KCNK2: variants seen among roughly 807,000 people sequenced by gnomAD.
KCNK2 encodes the protein potassium two pore domain channel subfamily K member 2, also known as potassium channel subfamily K member 2.
KCNK2 carries 21 observed loss-of-function variants against 40.5 expected under a neutral mutation model. The ratio of observed to expected loss-of-function variants is 0.52; its 90% CI spans 0.37 to 0.75. The LOEUF (loss-of-function observed/expected upper bound fraction) is 0.75. Among genes scored for constraint, KCNK2 ranks in the 30% least tolerant of loss-of-function variants. The pLI is 0.00. For missense variants in KCNK2, 399 were observed against 531.6 expected (o/e 0.75, Z 2.45); for synonymous variants, 191 against 202.2 (o/e 0.94, Z 0.47).
intron 2 of KCNK2, among the ~76,000 whole-genome samples, chr1:215,121,373 C>A (rs547708885): frequency 1.3e-5 from 2 of 152,246 alleles, no homozygotes; most frequent in East Asian, 3.9e-4. Context: ...CCTTGACCTC[C>A]CAGGCTCAAG....
chr1:215,133,792 G>A (rs757442482), intron 3 of KCNK2, among the ~76,000 whole-genome samples: 5 of 152,092 alleles, frequency 3.3e-5, no homozygotes, highest in Non-Finnish European at 5.9e-5. Context: ...GTACAATGCT[G>A]ACGTGACTTA....
chr1:215,033,324 T>A (rs1220022479), intron 1 of KCNK2, among the ~76,000 whole-genome samples: 1 of 152,142 alleles, frequency 6.6e-6, no homozygotes, highest in Non-Finnish European at 1.5e-5. Context: ...ATTGTTCAAA[T>A]TCCCAATTTG....
intron 1 of KCNK2, among the ~76,000 whole-genome samples, chr1:215,031,892 G>A (rs2102486206): frequency 6.6e-6 from 1 of 152,076 alleles, no homozygotes. Flanking sequence ...TATGTTTACA[G>A]TTAATCCCAG....
At chr1:215,034,192 C>T (rs1657303831) in intron 1 of KCNK2, among the ~76,000 whole-genome samples, 1 of 152,124 alleles carries the variant, frequency 6.6e-6, no homozygotes. Flanking sequence ...GGAGTGGTGA[C>T]TTCCAAGTTT....
At chr1:215,150,889 A>G (rs922329815) in intron 3 of KCNK2, among the ~76,000 whole-genome samples, 3 of 151,902 alleles carry the variant, frequency 2.0e-5, no homozygotes, top group African/African-American at 7.2e-5. Flanking sequence ...GAACTTTCAG[A>G]GTAATGATAA....
intron 5 of KCNK2, among the ~76,000 whole-genome samples, chr1:215,191,022 T>A (rs1664642370): frequency 6.6e-6 from 1 of 151,822 alleles, no homozygotes; most frequent in Non-Finnish European, 1.5e-5. Flanking sequence ...TGGTGGCTCA[T>A]GCCTGTAATC....
chr1:215,079,841 G>C (rs1485079217), upstream of KCNK2, among the ~76,000 whole-genome samples: 1 of 152,188 alleles, frequency 6.6e-6, no homozygotes, highest in African/African-American at 2.4e-5. Context: ...TTTAACGGGG[G>C]CAGACTGTGG....
chr1:215,006,080 T>G, intron 1 of KCNK2: 2 of 796,904 alleles, frequency 2.5e-6, no homozygotes, highest in South Asian at 3.3e-5. Flanking sequence ...ATAATTAAAC[T>G]CATTGGGTGG....
At chr1:215,065,185 A>G (rs1370141274) in intron 1 of KCNK2, among the ~76,000 whole-genome samples, 1 of 152,228 alleles carries the variant, frequency 6.6e-6, no homozygotes, top group Admixed American at 6.5e-5. Flanking sequence ...CTGAAAATGG[A>G]ACAAGATTTT....
At chr1:215,224,013 GTAAA>G (rs1272976290) in intron 6 of KCNK2, among the ~76,000 whole-genome samples, 1 of 152,136 alleles carries the variant, frequency 6.6e-6, no homozygotes, top group African/African-American at 2.4e-5. Flanking sequence ...ATTAAGCTAA[GTAAA>G]TAATTTTGTT....
Position 215,154,268 on chromosome 1 carries a change from C to A in KCNK2, c.476-14931C>A, listed in dbSNP as rs374211323. 5.3e-5 allele frequency among the ~76,000 whole-genome samples: 8 copies of A among 152,260 alleles called. No individual in the cohort carries two copies. In the East Asian group the frequency reaches 1.5e-3, roughly 29 times the overall value. On this transcript the variant is annotated intron_variant, in intron 3 of 6. Transcript: ENST00000444842. ...CTTGTGAGCATCTATTGTTTCTTGA[C>A]TTTTGAATAATCGCCATTCTGACTG...
chr1:215,046,060 A>G lies in KCNK2; in HGVS notation c.34+40105A>G, dbSNP rs142115369. Reference sequence around the variant, plus strand: ...AACCGTGGAAAAATCTGGTATAACAAGAATTGTTCACAATACGGGAGTGAT... The same window carrying G: ...AACCGTGGAAAAATCTGGTATAACAGGAATTGTTCACAATACGGGAGTGAT... On this transcript the variant is annotated intron_variant, in intron 1 of 6. Coordinates refer to the KCNK2 transcript ENST00000391895. Among the ~76,000 whole-genome samples the G allele has an allele frequency of 5.7e-3, 866 of 152,328 alleles. 5 individuals are homozygous for G. Among genetic ancestry groups the G allele is most frequent in the Middle Eastern group, 0.034 (10 of 294 alleles).
chr1:215,013,898 CT>C (rs1175023294), intron 1 of KCNK2, among the ~76,000 whole-genome samples: 2 of 151,968 alleles, frequency 1.3e-5, no homozygotes, highest in East Asian at 3.9e-4. Flanking sequence ...GTCAGTGTGC[CT>C]TTTATTTCGT....
intron 1 of KCNK2, among the ~76,000 whole-genome samples, chr1:215,038,414 A>C (rs1657456635): frequency 6.6e-6 from 1 of 152,144 alleles, no homozygotes; most frequent in East Asian, 1.9e-4. Flanking sequence ...CTGTGGTAAG[A>C]GTTGAGAGTG....
At chr1:215,021,208 A>C (rs1204396323) in intron 1 of KCNK2, among the ~76,000 whole-genome samples, 1 of 152,126 alleles carries the variant, frequency 6.6e-6, no homozygotes, top group Non-Finnish European at 1.5e-5. Flanking sequence ...AAGAAATATG[A>C]TTTTATTTTC....
At chr1:215,075,426 T>C (rs1385939308) in intron 1 of KCNK2, among the ~76,000 whole-genome samples, 1 of 152,206 alleles carries the variant, frequency 6.6e-6, no homozygotes, top group Non-Finnish European at 1.5e-5. Flanking sequence ...CAATGGTGTT[T>C]TACTGAATAG....
intron 6 of KCNK2, among the ~76,000 whole-genome samples, chr1:215,233,477 TAC>T (rs899003757): frequency 1.7e-5 from 2 of 119,388 alleles, no homozygotes; most frequent in Non-Finnish European, 3.5e-5. Context: ...CACACACACG[TAC>T]ACACACACAC....
At chr1:215,083,913 G>T (rs960659212) in intron 1 of KCNK2, among the ~76,000 whole-genome samples, 1 of 152,168 alleles carries the variant, frequency 6.6e-6, no homozygotes, top group African/African-American at 2.4e-5. Flanking sequence ...AGCTGGGGGA[G>T]GGGAGTGGGT....
At chr1:215,092,826 C>T (rs1659746421) in intron 2 of KCNK2, among the ~76,000 whole-genome samples, 1 of 152,144 alleles carries the variant, frequency 6.6e-6, no homozygotes, top group East Asian at 1.9e-4. Context: ...AGCTGGTACC[C>T]ACCTCCCTGA....
Sources: gnomAD v4.1 joint callset for allele counts (sites outside exome capture counted in the v4.1 genomes callset) on GRCh38, gnomAD v4.1.1 for gene constraint, MANE v1.5 for transcripts, NCBI Gene and HGNC (gene_info 2026-07-23, HGNC 2026-07-21) for gene names.